Variants in ENPP1 observed in about 807,000 individuals in gnomAD.
ENPP1 encodes ectonucleotide pyrophosphatase/phosphodiesterase 1.
Under a neutral mutation model 122.8 loss-of-function variants are expected in ENPP1, and 73 were observed. The ratio of observed to expected loss-of-function variants is 0.59; its 90% CI spans 0.49 to 0.72. The LOEUF is 0.72. Among genes scored for constraint, ENPP1 ranks in the 30% least tolerant of loss-of-function variants. ENPP1 has a pLI of 0.00. For synonymous variants in ENPP1, 367 were observed against 391.6 expected, an observed-to-expected ratio of 0.94 and a Z score of 0.74; for missense variants, 978 against 1,128.1, an observed-to-expected ratio of 0.87 and a Z score of 1.91.
chr6:131,857,877 G>A lies in ENPP1; in HGVS notation c.716-791G>A, dbSNP rs143959191. ...TCTCCATGGTGCCAAATGTGGCATC[G>A]TGAGTTTAGAGTTAAGAGGTGGAGG... is the stretch of plus-strand genomic sequence containing the variant. On this transcript the variant is annotated intron_variant, in intron 6 of 24. Coordinates refer to ENST00000647893, the MANE Select transcript of ENPP1 (RefSeq NM_006208.3). 4.0e-3 allele frequency among the ~76,000 whole-genome samples: 607 copies of A among 152,256 alleles called. 3 individuals are homozygous for A. Among genetic ancestry groups the A allele is most frequent in the African/African-American group, 0.013 (549 of 41,550 alleles).
At chr6:131,883,352 C>G (rs1464704069) in intron 21 of ENPP1, among the ~76,000 whole-genome samples, 1 of 152,084 alleles carries the variant, frequency 6.6e-6, no homozygotes, top group Non-Finnish European at 1.5e-5. Context: ...TCTCTTTTTT[C>G]TTTTCACTGT....
chr6:131,826,035 A>G (rs1427892954), intron 1 of ENPP1: 1 of 751,138 alleles, frequency 1.3e-6, no homozygotes, highest in Non-Finnish European at 2.5e-6. Flanking sequence ...GAGGAAGAGT[A>G]TTGAGCAAAT....
chr6:131,840,452 C>T (rs1781725947), intron 1 of ENPP1, among the ~76,000 whole-genome samples: 1 of 152,164 alleles, frequency 6.6e-6, no homozygotes, highest in Admixed American at 6.5e-5. Flanking sequence ...GTTGTACTAT[C>T]CCTTTGGAAG....
chr6:131,838,193 C>A (rs1462108222), intron 1 of ENPP1, among the ~76,000 whole-genome samples: 1 of 151,744 alleles, frequency 6.6e-6, no homozygotes, highest in Non-Finnish European at 1.5e-5. Context: ...AGATTCACTT[C>A]AAAAGGATGA....
chr6:131,839,990 G>A (rs1381968767), intron 1 of ENPP1, among the ~76,000 whole-genome samples: 1 of 151,892 alleles, frequency 6.6e-6, no homozygotes, highest in African/African-American at 2.4e-5. Flanking sequence ...CTAAATATTT[G>A]TACATACTTT....
chr6:131,829,933 GGTCTGAT>G (rs1284845003), intron 1 of ENPP1, among the ~76,000 whole-genome samples: 1 of 152,078 alleles, frequency 6.6e-6, no homozygotes, highest in Non-Finnish European at 1.5e-5. Context: ...GGCCTCTCCT[GGTCTGAT>G]GCTTGGAGTC....
chr6:131,852,475 C>CCAGTGAG (rs1334109476), intron 5 of ENPP1, among the ~76,000 whole-genome samples: 3 of 152,058 alleles, frequency 2.0e-5, no homozygotes, highest in Non-Finnish European at 4.4e-5. Flanking sequence ...CCCAAATGCT[C>CCAGTGAG]CAGTGAGCAT....
intron 24 of ENPP1, among the ~76,000 whole-genome samples, chr6:131,888,235 CTT>C (rs58493790): frequency 4.1e-4 from 57 of 139,396 alleles, no homozygotes; most frequent in African/African-American, 5.6e-4. Flanking sequence ...CCTACATTTC[CTT>C]TTTTTTTTTT....
chr6:131,874,641 A>C (rs1238033937), intron 16 of ENPP1, among the ~76,000 whole-genome samples: 1 of 152,170 alleles, frequency 6.6e-6, no homozygotes, highest in East Asian at 1.9e-4. Flanking sequence ...AGATTTCTCA[A>C]AGAAATAAAA....
chr6:131,882,307 C>T, intron 20 of ENPP1, 38 bp from the exon 21 acceptor site: 1 of 1,563,750 alleles, frequency 6.4e-7, no homozygotes, highest in Non-Finnish European at 8.7e-7. Flanking sequence ...CTTCTCTGTG[C>T]CTGATATCTG....
chr6:131,827,932 G>T, intron 1 of ENPP1: 4 of 1,049,188 alleles, frequency 3.8e-6, no homozygotes, highest in Non-Finnish European at 4.4e-6. Flanking sequence ...GGTCCGTGGA[G>T]AATCGAAGCA....
chr6:131,870,956 A>T (rs1585832042), intron 13 of ENPP1, among the ~76,000 whole-genome samples: 1 of 152,106 alleles, frequency 6.6e-6, no homozygotes, highest in Non-Finnish European at 1.5e-5. Context: ...TGTGCCTGCA[A>T]TCTCAGCTAC....
chr6:131,831,197 A>AT (rs1267600507), intron 1 of ENPP1, among the ~76,000 whole-genome samples: 2 of 151,234 alleles, frequency 1.3e-5, no homozygotes, highest in African/African-American at 4.8e-5. Context: ...GTAGAATAAT[A>AT]TGGATTCATG....
In ENPP1 at chr6:131,891,748, C is replaced by CTTTTTTTTTTTT. The variant is rs34545497; in HGVS notation, c.*1245_*1256dup. On this transcript the variant is annotated 3_prime_UTR_variant, in exon 25 of 25. Transcript: ENST00000647893. Reference sequence around the variant, plus strand: ...AATTATTTAATAATTTAGGAAGTTGCTTTTTTTTTTTTTTTTTTTCAGTCC... The same window carrying CTTTTTTTTTTTT: ...AATTATTTAATAATTTAGGAAGTTGCTTTTTTTTTTTTTTTTTTTTTTTTTTTTTTTCAGTCC... 1 of 80,140 alleles carries CTTTTTTTTTTTT rather than the reference C, an allele frequency of 1.2e-5. No individual in the cohort carries two copies. The highest frequency in any genetic ancestry group is 6.9e-5 in the African/African-American group (1 of 14,392). The allele number at this position is 80,140 out of a possible 1,614,324, so 5.0% of individuals were successfully genotyped here.
chr6:131,889,388 C>T (rs930073273), intron 24 of ENPP1, among the ~76,000 whole-genome samples: 1 of 152,014 alleles, frequency 6.6e-6, no homozygotes, highest in Non-Finnish European at 1.5e-5. Flanking sequence ...TCCTCCCACC[C>T]CCTGCCCTCC....
At chr6:131,825,431 T>A (rs1781535116) in intron 1 of ENPP1, among the ~76,000 whole-genome samples, 1 of 152,216 alleles carries the variant, frequency 6.6e-6, no homozygotes, top group African/African-American at 2.4e-5. Flanking sequence ...TTTCATCTAA[T>A]TAAACTTTAA....
chr6:131,884,988 G>A lies in ENPP1; in HGVS notation c.2369G>A (p.Gly790Asp), dbSNP rs1181266448. ...CGAAAGTATGCTGAAGAAAGAAATGGTGTCAATGTCGTCAGTGGTCCTGTG... is the reference window on the plus strand; with the variant it reads ...CGAAAGTATGCTGAAGAAAGAAATGATGTCAATGTCGTCAGTGGTCCTGTG... Reference protein sequence around the residue: ...LLRKYAEERNGVNVVSGPVFD... With the variant: ...LLRKYAEERNDVNVVSGPVFD... Residue 790 changes from glycine (G) to aspartate (D), a missense_variant, in exon 23 of 25, where the codon GGT becomes GAT. Physicochemically the swap from Gly to Asp is moderately conservative, Grantham distance 94. Transcript: ENST00000647893. 6.2e-7 allele frequency: 1 copy of A among 1,613,964 alleles called. No individual in the cohort carries two copies. The highest frequency in any genetic ancestry group is 1.7e-5 in the Admixed American group (1 of 60,006).
At chr6:131,814,796 T>A (rs1451681014) in intron 1 of ENPP1, among the ~76,000 whole-genome samples, 2 of 152,226 alleles carry the variant, frequency 1.3e-5, no homozygotes, top group African/African-American at 4.8e-5. Flanking sequence ...TCTGTGTCCC[T>A]TATGGTATTT....
At chr6:131,845,736 GTGA>G (rs1205823735) in intron 1 of ENPP1, among the ~76,000 whole-genome samples, 1 of 152,062 alleles carries the variant, frequency 6.6e-6, no homozygotes, top group East Asian at 1.9e-4. Context: ...CTGGCCGTTT[GTGA>G]TGTTTTTGAT....
Sources: gnomAD v4.1 joint callset for allele counts (sites outside exome capture counted in the v4.1 genomes callset) on GRCh38, gnomAD v4.1.1 for gene constraint, MANE v1.5 for transcripts, NCBI Gene and HGNC (gene_info 2026-07-23, HGNC 2026-07-21) for gene names.